Variants in SNTG2 observed in about 807,000 individuals in gnomAD.
SNTG2 encodes the protein syntrophin gamma 2.
A neutral mutation model predicts 70.9 loss-of-function variants in SNTG2; 74 were observed. The ratio of observed to expected loss-of-function variants is 1.04; its 90% CI spans 0.86 to 1.27. The LOEUF (loss-of-function observed/expected upper bound fraction) is 1.27. Ranked by LOEUF, SNTG2 falls within the 50% of genes most tolerant of loss-of-function variation. The probability of loss-of-function intolerance (pLI) is 0.00; values close to 1 mark genes in which losing one functional copy is unlikely to be tolerated. For synonymous variants in SNTG2, 278 were observed against 273.8 expected (o/e 1.02, Z -0.15); for missense variants, 717 against 690.7 (o/e 1.04, Z -0.43).
chr2:1,347,233 A>G (rs1016660795), intron 16 of SNTG2, among the ~76,000 whole-genome samples: 6 of 152,198 alleles, frequency 3.9e-5, no homozygotes, highest in Non-Finnish European at 7.4e-5. Flanking sequence ...CATAACAGGT[A>G]GGGGGCTTTG....
At chr2:1,036,372 C>T (rs185293167) in intron 1 of SNTG2, among the ~76,000 whole-genome samples, 439 of 151,806 alleles carry the variant, frequency 2.9e-3, no homozygotes, top group Non-Finnish European at 4.4e-3. Context: ...TTTTCTCAAA[C>T]GTTTAGAAGA....
intron 4 of SNTG2, among the ~76,000 whole-genome samples, chr2:1,113,231 C>T (rs867323546): frequency 5.3e-5 from 8 of 149,922 alleles, no homozygotes; most frequent in South Asian, 2.1e-4. Flanking sequence ...CTTTACAGTC[C>T]TTTCAGAAGG....
At chr2:1,299,847 C>T (rs1426889498) in intron 14 of SNTG2, among the ~76,000 whole-genome samples, 1 of 152,202 alleles carries the variant, frequency 6.6e-6, no homozygotes, top group Admixed American at 6.5e-5. Context: ...AGCACCATCT[C>T]GTGAGTTTAC....
At chr2:1,224,530 C>T (rs1408145498) in intron 9 of SNTG2, among the ~76,000 whole-genome samples, 1 of 152,170 alleles carries the variant, frequency 6.6e-6, no homozygotes. Flanking sequence ...TCTCCCCATG[C>T]TCTGCCTCCC....
intron 16 of SNTG2, among the ~76,000 whole-genome samples, chr2:1,318,383 C>T (rs1681381806): frequency 6.6e-6 from 1 of 152,222 alleles, no homozygotes; most frequent in Non-Finnish European, 1.5e-5. Flanking sequence ...CTTCATTGAT[C>T]TCAATGAAAT....
intron 1 of SNTG2, among the ~76,000 whole-genome samples, chr2:985,078 C>T (rs906187054): frequency 1.3e-5 from 2 of 152,036 alleles, no homozygotes; most frequent in Non-Finnish European, 2.9e-5. Context: ...AGACAAAATC[C>T]GATCATCAAG....
intron 15 of SNTG2, among the ~76,000 whole-genome samples, 172 bp downstream of exon 15, chr2:1,308,758 A>G (rs1680832528): frequency 6.6e-6 from 1 of 152,142 alleles, no homozygotes; most frequent in South Asian, 2.1e-4. Context: ...GGGCCCCAGG[A>G]TCGCCACAAG....
intron 6 of SNTG2, among the ~76,000 whole-genome samples, chr2:1,140,304 A>G (rs1429377335): frequency 1.3e-5 from 2 of 152,238 alleles, no homozygotes; most frequent in Non-Finnish European, 2.9e-5. Context: ...TTTTTAGTAC[A>G]TCTATGCATT....
intron 1 of SNTG2, among the ~76,000 whole-genome samples, chr2:1,071,709 A>T (rs1056253888): frequency 6.6e-6 from 1 of 152,208 alleles, no homozygotes; most frequent in Non-Finnish European, 1.5e-5. Context: ...GAATGCTTAG[A>T]TAGGCAGAGA....
chr2:1,279,559 G>T (rs1461906315), intron 14 of SNTG2, among the ~76,000 whole-genome samples: 1 of 152,176 alleles, frequency 6.6e-6, no homozygotes, highest in East Asian at 1.9e-4. Flanking sequence ...CTTTCTGAAG[G>T]CTATTGCTTA....
At chr2:1,272,457 T>G (rs1572900938) in intron 14 of SNTG2, among the ~76,000 whole-genome samples, 2 of 66,636 alleles carry the variant, frequency 3.0e-5, no homozygotes, top group Non-Finnish European at 2.6e-5. Flanking sequence ...CACAGACTGG[T>G]ACTGGTAAAA....
intron 6 of SNTG2, among the ~76,000 whole-genome samples, chr2:1,144,484 T>G (rs997656320): frequency 6.6e-6 from 1 of 152,134 alleles, no homozygotes; most frequent in Non-Finnish European, 1.5e-5. Context: ...TTTTAACGAA[T>G]TTAAAGAACA....
chr2:1,113,262 T>A lies in SNTG2; in HGVS notation c.325+14852T>A, dbSNP rs1193803303. ...GAAGGATGGTGTGTACTAAGTGAGG[T>A]TTAACCCTTACAGTCCTTTGAGAAG... On this transcript the variant is annotated intron_variant, in intron 4 of 16. Coordinates refer to ENST00000308624, the MANE Select transcript of SNTG2 (RefSeq NM_018968.4). 2.5e-3 allele frequency among the ~76,000 whole-genome samples: 373 copies of A among 148,238 alleles called. 2 individuals are homozygous for A. Among genetic ancestry groups the A allele is most frequent in the African/African-American group, 8.9e-3 (358 of 40,084 alleles).
At chr2:1,279,194 G>A (rs1461794814) in intron 14 of SNTG2, among the ~76,000 whole-genome samples, 2 of 152,076 alleles carry the variant, frequency 1.3e-5, no homozygotes, top group Non-Finnish European at 2.9e-5. Flanking sequence ...ACTTAGCAAC[G>A]GTCTCTTTGA....
chr2:1,017,182 A>G (rs989998518), intron 1 of SNTG2, among the ~76,000 whole-genome samples: 2 of 152,180 alleles, frequency 1.3e-5, no homozygotes, highest in Non-Finnish European at 2.9e-5. Flanking sequence ...TTATTGCCAC[A>G]GAGAATCTAC....
intron 1 of SNTG2, among the ~76,000 whole-genome samples, chr2:993,376 C>G (rs2147980093): frequency 6.6e-6 from 1 of 152,146 alleles, no homozygotes; most frequent in Non-Finnish European, 1.5e-5. Context: ...CAGATACATT[C>G]CATTGTAGCA....
intron 1 of SNTG2, among the ~76,000 whole-genome samples, chr2:988,479 A>C (rs570812264): frequency 6.6e-5 from 10 of 152,216 alleles, no homozygotes; most frequent in African/African-American, 2.4e-4. Flanking sequence ...GCTTATCGCA[A>C]TGCTTCCAAA....
intron 1 of SNTG2, among the ~76,000 whole-genome samples, chr2:1,058,616 A>C (rs1662614936): frequency 6.6e-6 from 1 of 152,252 alleles, no homozygotes; most frequent in Non-Finnish European, 1.5e-5. Flanking sequence ...TTGGTTGAGC[A>C]GAAGGTGAAC....
Position 1,361,719 on chromosome 2 carries a change from C to T in SNTG2, c.1489-5624C>T, listed in dbSNP as rs1337775494. On this transcript the variant is annotated intron_variant, in intron 16 of 16. Coordinates refer to ENST00000308624, the MANE Select transcript of SNTG2 (RefSeq NM_018968.4). ...TTCAGTAGAACTTCTGTGAAGGTCA[C>T]CGATGCTGAGCATTTCAGTAGAACT... Among the ~76,000 whole-genome samples, 6 of 150,436 alleles carry T rather than the reference C, an allele frequency of 4.0e-5. 1 individual carries two copies. The highest frequency in any genetic ancestry group is 2.0e-4 in the Admixed American group (3 of 15,114).
Sources: allele counts gnomAD v4.1 joint callset (sites outside exome capture counted in the v4.1 genomes callset), GRCh38; gene constraint gnomAD v4.1.1; transcripts MANE v1.5; gene names NCBI Gene and HGNC (gene_info 2026-07-23, HGNC 2026-07-21).